GYPE: variants seen among roughly 807,000 people sequenced by gnomAD.
GYPE encodes glycophorin-E.
GYPE carries 8 observed loss-of-function variants against 11.6 expected under a neutral mutation model. The observed-to-expected ratio is 0.69, with a 90% CI of 0.41 to 1.25. The LOEUF (loss-of-function observed/expected upper bound fraction) is 1.25, where lower values mean the gene tolerates loss of function less well. Ranked by LOEUF, GYPE falls within the 50% of genes most tolerant of loss-of-function variation. GYPE has a pLI of 0.01. For synonymous variants in GYPE, 28 were observed against 29.6 expected (o/e 0.94, Z 0.18); for missense variants, 90 against 92.8 (o/e 0.97, Z 0.12).
chr4:143,885,366 T>C (rs905440612), intron 1 of GYPE, among the ~76,000 whole-genome samples: 2 of 152,236 alleles, frequency 1.3e-5, no homozygotes, highest in East Asian at 1.9e-4. Context: ...TTTAGATAAG[T>C]TTTGAGCTTT....
intron 1 of GYPE, among the ~76,000 whole-genome samples, chr4:143,904,572 C>G (rs1165249021): frequency 6.6e-6 from 1 of 152,106 alleles, no homozygotes; most frequent in Non-Finnish European, 1.5e-5. Flanking sequence ...ATCTCTCTTC[C>G]CTGTATGCTA....
At chr4:143,890,730 T>C (rs1744371733) in intron 1 of GYPE, among the ~76,000 whole-genome samples, 1 of 152,228 alleles carries the variant, frequency 6.6e-6, no homozygotes, top group Non-Finnish European at 1.5e-5. Context: ...ACAGCTACAG[T>C]ATGGGATATT....
intron 1 of GYPE, among the ~76,000 whole-genome samples, chr4:143,897,014 G>A (rs1345023747): frequency 6.6e-6 from 1 of 151,936 alleles, no homozygotes; most frequent in African/African-American, 2.4e-5. Flanking sequence ...TTGTGGGGTG[G>A]GGGCAGGGGG....
intron 1 of GYPE, among the ~76,000 whole-genome samples, chr4:143,881,462 T>C (rs1744020327): frequency 6.6e-6 from 1 of 152,108 alleles, no homozygotes; most frequent in African/African-American, 2.4e-5. Flanking sequence ...AGTCAGCCTA[T>C]GCAAGGTTGA....
chr4:143,882,090 TTTAAG>T (rs1208016372), intron 1 of GYPE, among the ~76,000 whole-genome samples: 1 of 152,034 alleles, frequency 6.6e-6, no homozygotes, highest in Non-Finnish European at 1.5e-5. Flanking sequence ...TCTCTTCTCT[TTTAAG>T]TTCTTTTCTG....
chr4:143,897,418 A>C (rs1417633187), intron 1 of GYPE, among the ~76,000 whole-genome samples: 2 of 152,088 alleles, frequency 1.3e-5, no homozygotes, highest in African/African-American at 4.8e-5. Flanking sequence ...GAAGTAAGTT[A>C]TGACTGTGCC....
intron 3 of GYPE, chr4:143,875,608 G>T (rs1743766033): frequency 1.8e-5 from 27 of 1,530,670 alleles, no homozygotes; most frequent in Non-Finnish European, 2.3e-5. Context: ...ATCCTTCATA[G>T]GGTGTAGCCA....
chr4:143,881,955 C>T lies in GYPE; in HGVS notation c.38-1446G>A, dbSNP rs866797044. ...ACAACAGAAAACATCTTCTCTGACA[C>T]CTCTCATTAGTCTACTCAAGGAAAG... On this transcript the variant is annotated intron_variant, in intron 1 of 3. Transcript: ENST00000358615. Among the ~76,000 whole-genome samples, 11 of 152,228 alleles carry T rather than the reference C, an allele frequency of 7.2e-5. 1 individual carries two copies. In the South Asian group the frequency reaches 1.2e-3, roughly 17 times the overall value.
chr4:143,900,276 T>G (rs1364770453), intron 1 of GYPE, among the ~76,000 whole-genome samples: 1 of 124,246 alleles, frequency 8.0e-6, no homozygotes, highest in Admixed American at 9.0e-5. Flanking sequence ...TGGCTATAAT[T>G]AAAAAAATGA....
intron 3 of GYPE, among the ~76,000 whole-genome samples, chr4:143,874,272 CAT>C (rs1743716388): frequency 6.6e-6 from 1 of 152,056 alleles, no homozygotes. Flanking sequence ...AAGCTCTATA[CAT>C]ATCCTGGCAT....
intron 1 of GYPE, among the ~76,000 whole-genome samples, chr4:143,883,216 C>G (rs187540777): frequency 1.3e-5 from 2 of 152,074 alleles, no homozygotes; most frequent in Admixed American, 1.3e-4. Context: ...CTCTCTCTCC[C>G]GACTCTCTCT....
chr4:143,875,447 G>C (rs543500771), intron 3 of GYPE: 4 of 1,550,386 alleles, frequency 2.6e-6, no homozygotes, highest in Non-Finnish European at 3.5e-6. Context: ...GCATAAGCAA[G>C]AGAACAGCAG....
intron 1 of GYPE, among the ~76,000 whole-genome samples, chr4:143,897,389 A>G (rs1224043817): frequency 1.3e-5 from 2 of 152,006 alleles, no homozygotes; most frequent in Non-Finnish European, 2.9e-5. Flanking sequence ...GAATCACTTG[A>G]ATCCAGCAGT....
chr4:143,893,271 C>T (rs947936864), intron 1 of GYPE, among the ~76,000 whole-genome samples: 37 of 139,916 alleles, frequency 2.6e-4, no homozygotes, highest in Non-Finnish European at 3.2e-4. Flanking sequence ...TCCAATTTGC[C>T]AGTCTGTGTC....
At chr4:143,875,396 G>T in intron 3 of GYPE, 1 of 1,474,562 alleles carries the variant, frequency 6.8e-7, no homozygotes, top group Non-Finnish European at 9.3e-7. Context: ...GATAGCCAAG[G>T]GTTGGGGCAT....
chr4:143,899,508 A>T (rs1300898510), intron 1 of GYPE, among the ~76,000 whole-genome samples: 1 of 152,194 alleles, frequency 6.6e-6, no homozygotes, highest in Non-Finnish European at 1.5e-5. Flanking sequence ...TAGGGATCTA[A>T]ATAGCTAAAA....
rs1346642962 is a variant in GYPE at position 143,872,206 on chromosome 4, C to G, written c.*56G>C. The G allele has an allele frequency of 2.0e-5, 3 of 152,488 alleles. No homozygotes were observed. Among genetic ancestry groups the G allele is most frequent in the Non-Finnish European group, 4.4e-5 (3 of 68,012 alleles). 9.4% of individuals were successfully genotyped at this position (152,488 alleles called of 1,614,324 possible). ...ATGAACAGTGAAGTAAAAAAATGTCCTTTCTTTGCTTTCTTCCTCTAATCT... is the reference window on the plus strand; with the variant it reads ...ATGAACAGTGAAGTAAAAAAATGTCGTTTCTTTGCTTTCTTCCTCTAATCT... On this transcript the variant is annotated 3_prime_UTR_variant, in exon 4 of 4. Transcript: ENST00000358615.
chr4:143,876,121 A>G (rs1180152568), intron 3 of GYPE, among the ~76,000 whole-genome samples: 1 of 152,006 alleles, frequency 6.6e-6, no homozygotes, highest in East Asian at 1.9e-4. Flanking sequence ...TTATTTATTT[A>G]TTTATATATT....
chr4:143,899,541 T>C (rs1369277014), intron 1 of GYPE, among the ~76,000 whole-genome samples: 1 of 152,134 alleles, frequency 6.6e-6, no homozygotes, highest in Non-Finnish European at 1.5e-5. Context: ...AGAACAAAGT[T>C]CAGTGAATCA....
Sources: gnomAD v4.1 joint callset for allele counts (sites outside exome capture counted in the v4.1 genomes callset) on GRCh38, gnomAD v4.1.1 for gene constraint, MANE v1.5 for transcripts, NCBI Gene and HGNC (gene_info 2026-07-23, HGNC 2026-07-21) for gene names.